The following SORCS1 variants were observed in gnomAD, a reference collection of about 807,000 sequenced individuals.
SORCS1 encodes the protein sortilin related VPS10 domain containing receptor 1, also known as VPS10 domain-containing receptor SorCS1.
A neutral mutation model predicts 146.1 loss-of-function variants in SORCS1; 60 were observed. The ratio of observed to expected loss-of-function variants is 0.41; its 90% CI spans 0.33 to 0.51. The LOEUF (loss-of-function observed/expected upper bound fraction) is 0.51. SORCS1 is among the 20% of genes least tolerant of loss of function. The pLI is 0.21. For missense variants in SORCS1, 1,352 were observed against 1,487.6 expected (o/e 0.91, Z 1.50); for synonymous variants, 637 against 584.0 (o/e 1.09, Z -1.31).
At chr10:106,674,358 G>T (rs1221473899) in intron 14 of SORCS1, among the ~76,000 whole-genome samples, 5 of 28,636 alleles carry the variant, frequency 1.7e-4, no homozygotes, top group Non-Finnish European at 2.7e-4. Context: ...AAAAAAAAAA[G>T]TAGTAGTGGT....
chr10:106,697,158 T>C (rs1392479930), intron 9 of SORCS1, among the ~76,000 whole-genome samples: 2 of 152,026 alleles, frequency 1.3e-5, no homozygotes, highest in African/African-American at 4.8e-5. Flanking sequence ...AAAAGAGAAA[T>C]GTTGCAATTT....
chr10:106,844,394 T>C (rs1172650472), intron 2 of SORCS1, among the ~76,000 whole-genome samples: 5 of 151,994 alleles, frequency 3.3e-5, no homozygotes, highest in South Asian at 2.1e-4. Flanking sequence ...AAGACCAATA[T>C]TGAGGAGATT....
At chr10:107,061,067 C>T (rs1240829250) in intron 1 of SORCS1, among the ~76,000 whole-genome samples, 1 of 151,974 alleles carries the variant, frequency 6.6e-6, no homozygotes, top group African/African-American at 2.4e-5. Flanking sequence ...GTGATGTATT[C>T]CATCAAGAAA....
At chr10:107,157,704 T>C (rs570632119) in intron 1 of SORCS1, among the ~76,000 whole-genome samples, 6 of 152,348 alleles carry the variant, frequency 3.9e-5, no homozygotes, top group Admixed American at 3.9e-4. Flanking sequence ...TGTTCTTTCA[T>C]TCTAAACGTT....
intron 2 of SORCS1, among the ~76,000 whole-genome samples, chr10:106,949,349 C>T (rs1954548966): frequency 6.6e-6 from 1 of 152,132 alleles, no homozygotes. Flanking sequence ...TGACCCAAGC[C>T]ACCCACTGCT....
intron 1 of SORCS1, among the ~76,000 whole-genome samples, chr10:107,004,130 T>A (rs1564914168): frequency 7.2e-6 from 1 of 139,362 alleles, no homozygotes; most frequent in Admixed American, 7.8e-5. Flanking sequence ...GAGCCGAGAT[T>A]GCGCCACTGC....
At chr10:106,894,808 A>G (rs1252883185) in intron 2 of SORCS1, among the ~76,000 whole-genome samples, 1 of 152,214 alleles carries the variant, frequency 6.6e-6, no homozygotes, top group Non-Finnish European at 1.5e-5. Flanking sequence ...TAAATTCTAG[A>G]AGAAAGCCAG....
upstream of SORCS1, among the ~76,000 whole-genome samples, chr10:107,164,834 C>T (rs960063023): frequency 6.8e-6 from 1 of 147,172 alleles, no homozygotes; most frequent in African/African-American, 2.5e-5. This position sits in a 1 kb window ranked among gnomAD's most constrained non-coding sequence, Gnocchi z 6.8. Flanking sequence ...GCCGGGACTC[C>T]GGGCGCCGCG....
intron 1 of SORCS1, among the ~76,000 whole-genome samples, chr10:106,989,798 C>T (rs113550174): frequency 0.22 from 33,382 of 150,498 alleles, 4,471 homozygotes; most frequent in Middle Eastern, 0.33. Flanking sequence ...GCCATTCTCC[C>T]ACCTCAGCCT....
intron 5 of SORCS1, among the ~76,000 whole-genome samples, chr10:106,731,850 AGAAGGAAGGAAT>A (rs1856623866): frequency 1.3e-5 from 2 of 152,254 alleles, no homozygotes; most frequent in South Asian, 4.1e-4. Flanking sequence ...GTGAAATGAA[AGAAGGAAGGAAT>A]GAAGGAAAGA....
At chr10:106,693,292 C>T (rs1485627888) in intron 9 of SORCS1, among the ~76,000 whole-genome samples, 10 of 152,156 alleles carry the variant, frequency 6.6e-5, no homozygotes, top group African/African-American at 2.4e-4. Flanking sequence ...GAAGAGAAAA[C>T]TGAAATTCAG....
intron 1 of SORCS1, among the ~76,000 whole-genome samples, chr10:107,072,766 C>A (rs543223975): frequency 2.0e-5 from 3 of 151,664 alleles, no homozygotes; most frequent in Non-Finnish European, 4.4e-5. Flanking sequence ...AAAAGAACCA[C>A]CGAGATAACA....
At chr10:107,001,514 T>C (rs1237235701) in intron 1 of SORCS1, among the ~76,000 whole-genome samples, 3 of 152,054 alleles carry the variant, frequency 2.0e-5, no homozygotes, top group African/African-American at 4.8e-5. Flanking sequence ...AAGTAGGACA[T>C]TGTAAGAGAT....
At chr10:106,858,018 G>A (rs1002905139) in intron 2 of SORCS1, among the ~76,000 whole-genome samples, 1 of 152,168 alleles carries the variant, frequency 6.6e-6, no homozygotes. Flanking sequence ...AGCTGAATGA[G>A]CTTCCCTCTC....
chr10:106,725,010 G>T (rs1412471020), intron 6 of SORCS1, among the ~76,000 whole-genome samples: 1 of 151,972 alleles, frequency 6.6e-6, no homozygotes, highest in African/African-American at 2.4e-5. Context: ...TGTGGTGGTA[G>T]GTGCCTGTAA....
At chr10:107,006,152 T>C (rs899895706) in intron 1 of SORCS1, among the ~76,000 whole-genome samples, 5 of 152,240 alleles carry the variant, frequency 3.3e-5, no homozygotes, top group Admixed American at 2.0e-4. Context: ...ACATACTTAT[T>C]GACACCTTAA....
intron 24 of SORCS1, among the ~76,000 whole-genome samples, chr10:106,586,439 CTT>C (rs1429897870): frequency 7.3e-5 from 11 of 150,814 alleles, no homozygotes; most frequent in Admixed American, 7.3e-4. Flanking sequence ...GCTAATTTCT[CTT>C]GACTATCTGC....
Position 106,602,836 on chromosome 10 carries a change from T to G in SORCS1, c.3165+4330A>C, listed in dbSNP as rs556488010. Among the ~76,000 whole-genome samples the G allele has an allele frequency of 2.6e-5, 4 of 152,276 alleles. No individual in the cohort carries two copies. In the South Asian group the frequency reaches 8.3e-4, roughly 32 times the overall value. On this transcript the variant is annotated intron_variant, in intron 23 of 25. Coordinates refer to ENST00000263054, the MANE Select transcript of SORCS1 (RefSeq NM_052918.5). ...GATCTGGACTGATAAGCAAAATGTG[T>G]GGATATACAGAAAATAGAGATTATT...
At chr10:106,894,813 A>G (rs1951402116) in intron 2 of SORCS1, among the ~76,000 whole-genome samples, 1 of 152,236 alleles carries the variant, frequency 6.6e-6, no homozygotes, top group Non-Finnish European at 1.5e-5. Context: ...TCTAGAAGAA[A>G]GCCAGGAGTT....
Sources: gnomAD v4.1 joint callset for allele counts (sites outside exome capture counted in the v4.1 genomes callset) on GRCh38, gnomAD v4.1.1 for gene constraint, Gnocchi (gnomAD v3.1) non-coding constraint, MANE v1.5 for transcripts, NCBI Gene and HGNC (gene_info 2026-07-23, HGNC 2026-07-21) for gene names.